LYST: variants seen among roughly 807,000 people sequenced by gnomAD.
LYST encodes the protein lysosomal trafficking regulator.
Under a neutral mutation model 413.6 loss-of-function variants are expected in LYST, and 192 were observed. The observed-to-expected ratio is 0.46, with a 90% confidence interval of 0.41 to 0.52. The LOEUF (loss-of-function observed/expected upper bound fraction) is 0.52, where lower values mean the gene tolerates loss of function less well. Among genes scored for constraint, LYST ranks in the 20% least tolerant of loss-of-function variants. LYST has a pLI of 0.00. For synonymous variants in LYST, 1,525 were observed against 1,567.3 expected, an observed-to-expected ratio of 0.97 and a Z score of 0.64; for missense variants, 3,815 against 4,499.9, an observed-to-expected ratio of 0.85 and a Z score of 4.35.
At chr1:235,868,331 C>CTAAG (rs1162393476), upstream of LYST, among the ~76,000 whole-genome samples, 3 of 152,072 alleles carry the variant, frequency 2.0e-5, no homozygotes, top group East Asian at 5.8e-4. Flanking sequence ...CTACAATGCG[C>CTAAG]TAAGTATTGT....
intron 48 of LYST, among the ~76,000 whole-genome samples, chr1:235,679,138 C>T (rs1368987687): frequency 6.6e-6 from 1 of 152,188 alleles, no homozygotes; most frequent in Non-Finnish European, 1.5e-5. Context: ...TTAGCTAGGG[C>T]GTGTGACCTT....
intron 46 of LYST, among the ~76,000 whole-genome samples, chr1:235,693,989 G>A (rs1330282447): frequency 6.7e-6 from 1 of 149,842 alleles, no homozygotes; most frequent in African/African-American, 2.5e-5. Context: ...ATTCAAGGAG[G>A]CTCTGTTCTT....
chr1:235,872,248 A>T (rs747464150), intron 1 of LYST, among the ~76,000 whole-genome samples: 5 of 148,634 alleles, frequency 3.4e-5, no homozygotes, highest in Non-Finnish European at 7.4e-5. Flanking sequence ...GTGAGCCAAG[A>T]TCGCACCACT....
At chr1:235,724,762 C>T (rs12085629) in intron 38 of LYST, among the ~76,000 whole-genome samples, 5,503 of 152,158 alleles carry the variant, frequency 0.036, 338 homozygotes, top group African/African-American at 0.13. Context: ...TCATATAGTT[C>T]GAATTATACA....
At chr1:235,791,076 G>A (rs1478551598) in intron 12 of LYST, among the ~76,000 whole-genome samples, 1 of 152,144 alleles carries the variant, frequency 6.6e-6, no homozygotes, top group Non-Finnish European at 1.5e-5. Flanking sequence ...CTGAGGTCAG[G>A]AGTTTGAGAC....
At chr1:235,785,543 T>A (rs538674050) in intron 14 of LYST, among the ~76,000 whole-genome samples, 6 of 152,318 alleles carry the variant, frequency 3.9e-5, no homozygotes, top group Admixed American at 3.3e-4. Context: ...TAATCTACTT[T>A]GAGGGATTTT....
At chr1:235,670,753 G>A (rs1658871482) in intron 50 of LYST, among the ~76,000 whole-genome samples, 1 of 152,214 alleles carries the variant, frequency 6.6e-6, no homozygotes, top group Non-Finnish European at 1.5e-5. Context: ...CAAAGCGAGT[G>A]TGGAGTAAAG....
chr1:235,773,924 T>C lies in LYST; in HGVS notation c.5702A>G (p.Asp1901Gly), dbSNP rs746466637. 1.9e-6 allele frequency: 3 copies of C among 1,606,350 alleles called. No homozygotes were observed. The South Asian group carries it at 3.3e-5, about 18-fold the overall frequency. The change falls in exon 19 of 53, where the codon GAT becomes GGT. Residue 1901 changes from aspartate to glycine, a missense_variant. This residue lies in a region of LYST where 530 missense variants were observed against 696.5 expected (regional missense o/e 0.76). Transcript: ENST00000389793. ...YMNENGEFKL[D>G]VDSNAIIQDV... ...TTGGATTATAGCATTAGAGTCTACA[T>C]CCAACTTAAACTCTCCATTCTCATT... is the stretch of plus-strand genomic sequence containing the variant.
At chr1:235,793,640 A>T in intron 10 of LYST, 28 bp from the exon 11 acceptor site, 3 of 1,189,050 alleles carry the variant, frequency 2.5e-6, no homozygotes, top group Non-Finnish European at 3.8e-6. Context: ...GGAAAAAATT[A>T]AAGCTAGTAC....
chr1:235,846,639 A>C (rs1179091100), intron 1 of LYST, among the ~76,000 whole-genome samples: 1 of 152,144 alleles, frequency 6.6e-6, no homozygotes, highest in African/African-American at 2.4e-5. Context: ...TAAGAAGTGA[A>C]GGGAGAAATA....
At chr1:235,666,665 T>G (rs2103013993) in intron 50 of LYST, among the ~76,000 whole-genome samples, 1 of 151,886 alleles carries the variant, frequency 6.6e-6, no homozygotes, top group Non-Finnish European at 1.5e-5. Context: ...GTTTTCCCAT[T>G]GTAGAACATT....
intron 31 of LYST, chr1:235,738,286 C>T: frequency 1.2e-6 from 2 of 1,611,668 alleles, no homozygotes; most frequent in Non-Finnish European, 1.7e-6. Context: ...ACTATCACGG[C>T]TGAGGCACAT....
intron 45 of LYST, 105 bp downstream of exon 45, chr1:235,702,642 A>C (rs1027122289): frequency 1.0e-6 from 1 of 960,298 alleles, no homozygotes; most frequent in Non-Finnish European, 1.7e-6. Context: ...TGACTGGCAC[A>C]CAGCTTTAGG....
intron 16 of LYST, among the ~76,000 whole-genome samples, chr1:235,778,844 C>T (rs906159481): frequency 3.3e-5 from 5 of 151,802 alleles, no homozygotes; most frequent in African/African-American, 1.2e-4. Context: ...TGCACCCTGA[C>T]ATGAGGGTAC....
chr1:235,775,378 A>G (rs567721692), intron 17 of LYST, among the ~76,000 whole-genome samples: 46 of 152,338 alleles, frequency 3.0e-4, no homozygotes, highest in African/African-American at 1.1e-3. Flanking sequence ...TTGATAAGTT[A>G]GTCAATAGAC....
chr1:235,776,787 ATCC>A (rs1372008486), intron 17 of LYST, among the ~76,000 whole-genome samples: 2 of 152,036 alleles, frequency 1.3e-5, no homozygotes, highest in East Asian at 3.8e-4. Flanking sequence ...TTTTAAAAAT[ATCC>A]TCCTCTCAAT....
rs181427788 is a variant in LYST, at chr1:235,854,942, A to G, written c.-98+11901T>C. Among the ~76,000 whole-genome samples the G allele has an allele frequency of 1.3e-5, 2 of 152,332 alleles. No homozygotes were observed. The highest frequency in any genetic ancestry group is 4.8e-5 in the African/African-American group (2 of 41,570). Reference sequence around the variant, plus strand: ...AATGTCACTCCAATTCATAGGGAAGAAGATCCCAACTGCTTATTATCAAAG... The same window carrying G: ...AATGTCACTCCAATTCATAGGGAAGGAGATCCCAACTGCTTATTATCAAAG... On this transcript the variant is annotated intron_variant, in intron 1 of 52. Coordinates refer to ENST00000389793, the MANE Select transcript of LYST (RefSeq NM_000081.4). This position sits in a 1 kb window ranked among gnomAD's most constrained non-coding sequence, Gnocchi z 4.1.
rs138111566 is a variant in LYST, at chr1:235,677,151, G to A, written c.10978C>T (p.Pro3660Ser). 6.2e-6 allele frequency: 10 copies of A among 1,613,908 alleles called. No homozygotes were observed. The Middle Eastern group carries it at 6.6e-4, about 107-fold the overall frequency. ...YVQSLAGHKSPVTAVSASETS... is the reference protein window; with the variant it reads ...YVQSLAGHKSSVTAVSASETS... ...TCACTGGCAGAGACAGCTGTGACAG[G>A]GCTTTTGTGTCCCGCCAGACTTTGT... Residue 3660 changes from proline (P) to serine (S), a missense_variant, in exon 50 of 53, where the codon CCT becomes TCT. Physicochemically the swap from Pro to Ser is moderately conservative, Grantham distance 74. Coordinates refer to ENST00000389793, the MANE Select transcript of LYST (RefSeq NM_000081.4).
At chr1:235,669,520 C>G (rs1221029385) in intron 50 of LYST, among the ~76,000 whole-genome samples, 1 of 152,310 alleles carries the variant, frequency 6.6e-6, no homozygotes, top group South Asian at 2.1e-4. Flanking sequence ...CCTTAGCCTA[C>G]GATTGGTTGC....
Sources: gnomAD v4.1 joint callset for allele counts (sites outside exome capture counted in the v4.1 genomes callset) on GRCh38, gnomAD v4.1.1 for gene constraint, gnomAD v4.1.1 regional missense constraint, Gnocchi (gnomAD v3.1) non-coding constraint, MANE v1.5 for transcripts, NCBI Gene and HGNC (gene_info 2026-07-23, HGNC 2026-07-21) for gene names.